The following DLC1 variants were observed in gnomAD, a reference collection of about 807,000 sequenced individuals.
The protein encoded by DLC1 is rho GTPase-activating protein 7.
A neutral mutation model predicts 140.3 loss-of-function variants in DLC1; 54 were observed. The observed-to-expected ratio is 0.38, with a 90% confidence interval of 0.31 to 0.48. The LOEUF (loss-of-function observed/expected upper bound fraction) is 0.48, where lower values mean the gene tolerates loss of function less well. Ranked by LOEUF, DLC1 falls within the 20% of genes least tolerant of loss-of-function variation. DLC1 has a pLI of 0.96. For synonymous variants in DLC1, 986 were observed against 728.1 expected, an observed-to-expected ratio of 1.35 and a Z score of -5.70; for missense variants, 2,536 against 1,907.0, an observed-to-expected ratio of 1.33 and a Z score of -6.14.
rs898550880 is a variant in DLC1, at chr8:13,289,042, C to T, written c.1348+16227G>A. Among the ~76,000 whole-genome samples the T allele has an allele frequency of 2.0e-5, 3 of 152,298 alleles. No individual in the cohort carries two copies. The East Asian group carries it at 5.8e-4, about 29-fold the overall frequency. ...GCTCTGTGTGTGACACCATTCTCCA[C>T]TTTCATTCTGTGACCAACTTCACTC... On this transcript the variant is annotated intron_variant, in intron 5 of 17. Transcript: ENST00000276297.
At chr8:13,201,931 T>G (rs1388274984) in intron 5 of DLC1, among the ~76,000 whole-genome samples, 1 of 148,830 alleles carries the variant, frequency 6.7e-6, no homozygotes, top group African/African-American at 2.5e-5. Flanking sequence ...GTTTTTTTTT[T>G]TTTTTTTTTT....
rs1427953876 is a variant in DLC1, at chr8:13,499,851, G to C, written c.221C>G (p.Pro74Arg). 2.5e-6 allele frequency: 4 copies of C among 1,613,936 alleles called. No individual in the cohort carries two copies. The Admixed American group carries it at 6.7e-5, about 27-fold the overall frequency. Residue 74 changes from proline (P) to arginine (R), a missense_variant, in exon 2 of 18, where the codon CCT (proline) becomes CGT (arginine). By Grantham distance (103) the Pro-to-Arg change is moderately radical. Coordinates refer to ENST00000276297, the MANE Select transcript of DLC1 (RefSeq NM_182643.3). Reference protein sequence around the residue: ...CCHGSELRDFPGRPMGHLSKD... With the variant: ...CCHGSELRDFRGRPMGHLSKD... Reference sequence around the variant, plus strand: ...TGAAAGATGACCCATTGGCCTCCCAGGAAAATCTCTCAGCTCTGATCCATG... The same window carrying C: ...TGAAAGATGACCCATTGGCCTCCCACGAAAATCTCTCAGCTCTGATCCATG...
chr8:13,320,674 G>T (rs1322514187), intron 4 of DLC1, among the ~76,000 whole-genome samples: 1 of 152,000 alleles, frequency 6.6e-6, no homozygotes, highest in East Asian at 1.9e-4. Context: ...CTTGGGGGTG[G>T]GTGGGGTGAG....
At chr8:13,344,050 T>C (rs1332147352) in intron 4 of DLC1, among the ~76,000 whole-genome samples, 2 of 152,220 alleles carry the variant, frequency 1.3e-5, no homozygotes, top group Admixed American at 1.3e-4. Context: ...GACTTGATAT[T>C]CTCTGAACCT....
At chr8:13,505,615 C>T (rs1802023772) in intron 1 of DLC1, among the ~76,000 whole-genome samples, 1 of 152,096 alleles carries the variant, frequency 6.6e-6, no homozygotes, top group Admixed American at 6.5e-5. Context: ...TTGCCCCATT[C>T]CCCCTCACCA....
intron 2 of DLC1, among the ~76,000 whole-genome samples, chr8:13,451,180 C>G (rs1799039585): frequency 6.6e-6 from 1 of 150,782 alleles, no homozygotes; most frequent in Non-Finnish European, 1.5e-5. Context: ...TTTTGCCTGG[C>G]TTAGACCACA....
rs5889417 is a variant in DLC1 at position 13,094,665 on chromosome 8, CA to C, written c.3526+93del. ...TGGATGACAGAGCGAGACTCCATCT[CA>C]AAAAAAAAAAGAATGCTATCAAGGA... On this transcript the variant is annotated intron_variant, in intron 12 of 17. Transcript: ENST00000276297. 981,793 of 1,183,676 alleles carry C rather than the reference CA, an allele frequency of 0.83. 398,172 individuals are homozygous for C. The highest frequency in any genetic ancestry group is 0.9 in the East Asian group (31,605 of 35,176). The allele number at this position is 1,183,676 out of a possible 1,614,324, so 73.3% of individuals were successfully genotyped here. A position where few individuals can be genotyped will look rare whatever the true frequency, so the allele number is the denominator to read the frequency against.
chr8:13,513,611 T>A (rs1585231261), intron 1 of DLC1, among the ~76,000 whole-genome samples: 2 of 152,198 alleles, frequency 1.3e-5, no homozygotes, highest in African/African-American at 4.8e-5. Context: ...CCATTTTATT[T>A]CTATAAAATG....
chr8:13,270,306 G>A (rs552408792), intron 5 of DLC1, among the ~76,000 whole-genome samples: 2 of 152,272 alleles, frequency 1.3e-5, no homozygotes, highest in South Asian at 2.1e-4. Context: ...GACTGTGCAT[G>A]CACACTACTT....
chr8:13,209,822 G>T (rs923302683), intron 5 of DLC1, among the ~76,000 whole-genome samples: 3 of 152,166 alleles, frequency 2.0e-5, no homozygotes, highest in East Asian at 3.9e-4. Flanking sequence ...GGCCTTCTCA[G>T]AAGCAGATGC....
chr8:13,452,596 G>A (rs1799118544), intron 2 of DLC1, among the ~76,000 whole-genome samples: 2 of 152,260 alleles, frequency 1.3e-5, no homozygotes, highest in South Asian at 2.1e-4. Flanking sequence ...TTTGTTTTCT[G>A]ACTTGAGCTC....
At chr8:13,257,433 T>A (rs1830282897) in intron 5 of DLC1, among the ~76,000 whole-genome samples, 1 of 104,966 alleles carries the variant, frequency 9.5e-6, no homozygotes, top group South Asian at 4.1e-4. Flanking sequence ...CAATACCCTG[T>A]CTCAGGAAAA....
chr8:13,130,538 T>C (rs1821994039), intron 5 of DLC1, among the ~76,000 whole-genome samples: 2 of 152,328 alleles, frequency 1.3e-5, no homozygotes, highest in South Asian at 4.1e-4. Flanking sequence ...GGTTGAAGGG[T>C]AACCTGCCTT....
intron 4 of DLC1, among the ~76,000 whole-genome samples, chr8:13,311,079 A>G (rs1832648038): frequency 6.6e-6 from 1 of 152,214 alleles, no homozygotes. Flanking sequence ...TAGGATACAT[A>G]ATTATAAAAA....
intron 5 of DLC1, among the ~76,000 whole-genome samples, chr8:13,272,340 C>T (rs994050301): frequency 6.6e-6 from 1 of 151,904 alleles, no homozygotes; most frequent in South Asian, 2.1e-4. Context: ...CCCAGCTACT[C>T]GAGAGGCTGG....
At chr8:13,141,310 A>G (rs985498113) in intron 5 of DLC1, among the ~76,000 whole-genome samples, 10 of 150,332 alleles carry the variant, frequency 6.7e-5, no homozygotes, top group African/African-American at 2.4e-4. Context: ...GCTAGCAGAG[A>G]TCTAAGGGCA....
chr8:13,223,872 G>A (rs543671814), intron 5 of DLC1, among the ~76,000 whole-genome samples: 2 of 152,244 alleles, frequency 1.3e-5, no homozygotes, highest in African/African-American at 4.8e-5. Flanking sequence ...AAGGTGGAGA[G>A]TTTTACATTA....
At chr8:13,478,419 T>C (rs1230067659) in intron 2 of DLC1, among the ~76,000 whole-genome samples, 2 of 152,176 alleles carry the variant, frequency 1.3e-5, no homozygotes, top group Non-Finnish European at 2.9e-5. Flanking sequence ...CAATTCGACA[T>C]GAGATTTGGA....
At chr8:13,575,227 T>G (rs571145659) in intron 1 of DLC1, among the ~76,000 whole-genome samples, 1 of 152,204 alleles carries the variant, frequency 6.6e-6, no homozygotes, top group African/African-American at 2.4e-5. Context: ...ATTAAACATT[T>G]AGGAGAAAAT....
Sources: allele counts gnomAD v4.1 joint callset (sites outside exome capture counted in the v4.1 genomes callset), GRCh38; gene constraint gnomAD v4.1.1; transcripts MANE v1.5; gene names NCBI Gene and HGNC (gene_info 2026-07-23, HGNC 2026-07-21).